The following ALLC variants were observed in gnomAD, a reference collection of about 807,000 sequenced individuals.
ALLC encodes the protein allantoicase, also known as probable inactive allantoicase.
Under a neutral mutation model 45.0 loss-of-function variants are expected in ALLC, and 40 were observed. The ratio of observed to expected loss-of-function variants is 0.89; its 90% CI spans 0.69 to 1.16. The LOEUF (loss-of-function observed/expected upper bound fraction) is 1.16, where lower values mean the gene tolerates loss of function less well. Among genes scored for constraint, ALLC ranks in the 50% most tolerant of loss-of-function variants. The probability of loss-of-function intolerance (pLI) is 0.00; values close to 1 mark genes in which losing one functional copy is unlikely to be tolerated. For synonymous variants in ALLC, 176 were observed against 178.1 expected, an observed-to-expected ratio of 0.99 and a Z score of 0.09; for missense variants, 488 against 493.1, an observed-to-expected ratio of 0.99 and a Z score of 0.10.
intron 3 of ALLC, among the ~76,000 whole-genome samples, chr2:3,676,473 C>G (rs761597476): frequency 1.8e-4 from 27 of 152,162 alleles, no homozygotes; most frequent in Non-Finnish European, 3.4e-4. Flanking sequence ...TCTCTAGCTC[C>G]TGGGCTCAAG....
At chr2:3,651,987 G>A in the ALLC span, among the ~76,000 whole-genome samples, 2 of 152,230 alleles carry the variant, frequency 1.3e-5, no homozygotes, top group Non-Finnish European at 2.9e-5. Flanking sequence ...ACCCGGCTCA[G>A]CTCAGCAGTT....
At chr2:3,667,580 A>G (rs1363442776) in intron 1 of ALLC, among the ~76,000 whole-genome samples, 1 of 152,202 alleles carries the variant, frequency 6.6e-6, no homozygotes, top group Non-Finnish European at 1.5e-5. Flanking sequence ...CACTTGTAGC[A>G]TGTGAATGAT....
chr2:3,674,442 T>C lies in ALLC; in HGVS notation c.84+317T>C, dbSNP rs1295522388. ...GAAAATGGATCTATGTCTTGAATTTTCTGGGAAATGTTTTACCTGCCTAAT... is the reference window on the plus strand; with the variant it reads ...GAAAATGGATCTATGTCTTGAATTTCCTGGGAAATGTTTTACCTGCCTAAT... On this transcript the variant is annotated intron_variant, in intron 3 of 11. Coordinates refer to ENST00000252505, the MANE Select transcript of ALLC (RefSeq NM_018436.4). 2.6e-5 allele frequency among the ~76,000 whole-genome samples: 4 copies of C among 152,208 alleles called. No homozygotes were observed. In the East Asian group the frequency reaches 5.8e-4, roughly 22 times the overall value.
intron 3 of ALLC, among the ~76,000 whole-genome samples, chr2:3,677,968 T>C (rs893335393): frequency 6.6e-6 from 1 of 152,168 alleles, no homozygotes; most frequent in African/African-American, 2.4e-5. Context: ...TGCTCAGCTG[T>C]CTAAGGAGGC....
intron 1 of ALLC, among the ~76,000 whole-genome samples, chr2:3,659,068 A>G (rs1175305768): frequency 1.3e-5 from 2 of 152,110 alleles, no homozygotes; most frequent in Admixed American, 6.5e-5. Context: ...CCCAAATTTG[A>G]ACAAACCACT....
chr2:3,680,058 A>G lies in ALLC; in HGVS notation c.298+64A>G. On this transcript the variant is annotated intron_variant, in intron 5 of 11. Transcript: ENST00000252505. This position sits in a 1 kb window ranked among gnomAD's most constrained non-coding sequence, Gnocchi z 4.0. The stretch of plus-strand genomic sequence containing the variant: ...GGTCACATGGCTCCTCTGGCCAGCC[A>G]CAGCCCCACAACTGCTCACTTTCCC... 1 of 1,603,012 alleles carries G rather than the reference A, an allele frequency of 6.2e-7. No homozygotes were observed. Among genetic ancestry groups the G allele is most frequent in the Non-Finnish European group, 8.5e-7 (1 of 1,172,060 alleles).
rs570267579 is a variant in ALLC, at chr2:3,671,089, C to T, written c.-62-7C>T. On this transcript the variant is annotated splice_region_variant and splice_polypyrimidine_tract_variant and intron_variant, in intron 1 of 11. Transcript: ENST00000252505. The stretch of plus-strand genomic sequence containing the variant: ...CAAGGTTGACCGAGCTGCCCTCTCC[C>T]TTCCAGGAAGCACGGCTGATGCTCC... The T allele has an allele frequency of 3.6e-5, 57 of 1,570,254 alleles. No individual in the cohort carries two copies. Among genetic ancestry groups the T allele is most frequent in the Non-Finnish European group, 4.9e-5 (56 of 1,154,132 alleles).
intron 1 of ALLC, among the ~76,000 whole-genome samples, chr2:3,668,987 C>A (rs945090809): frequency 6.6e-6 from 1 of 152,166 alleles, no homozygotes; most frequent in Non-Finnish European, 1.5e-5. Flanking sequence ...CACCAGCACA[C>A]GCCCATCTCG....
intron 1 of ALLC, among the ~76,000 whole-genome samples, chr2:3,663,472 G>A (rs944352799): frequency 6.6e-6 from 1 of 152,120 alleles, no homozygotes; most frequent in African/African-American, 2.4e-5. Context: ...AATGGGTGCT[G>A]GGCTTAATAC....
At chr2:3,665,306 GT>G (rs891968308) in intron 1 of ALLC, among the ~76,000 whole-genome samples, 1 of 151,192 alleles carries the variant, frequency 6.6e-6, no homozygotes, top group African/African-American at 2.4e-5. Context: ...GAGTTGAAGT[GT>G]TTTTTTTTAA....
intron 1 of ALLC, 102 bp from the exon 2 acceptor site, chr2:3,670,994 C>T: frequency 3.0e-6 from 2 of 674,062 alleles, no homozygotes; most frequent in Non-Finnish European, 5.1e-6. Context: ...TCTGTCACTG[C>T]CTGACTTTTG....
rs992698884 is a variant in ALLC at position 3,701,630 on chromosome 2, G to A, written c.969G>A (p.Val323=). 2 of 1,611,388 alleles carry A rather than the reference G, an allele frequency of 1.2e-6. No homozygotes were observed. The highest frequency in any genetic ancestry group is 2.7e-5 in the African/African-American group (2 of 74,886). The part of the protein sequence containing the change: ...PAHKWKPLLP[V]TKLSPNQSHL... Reference sequence around the variant, plus strand: ...ACAAGTGGAAACCACTGCTTCCAGTGACCAAGGTTCGTGTGGCATGTTATT... The same window carrying A: ...ACAAGTGGAAACCACTGCTTCCAGTAACCAAGGTTCGTGTGGCATGTTATT... The change falls in exon 11 of 12, where the codon GTG becomes GTA. Residue 323 remains valine (V), a synonymous_variant. Coordinates refer to ENST00000252505, the MANE Select transcript of ALLC (RefSeq NM_018436.4).
chr2:3,696,223 C>G, intron 8 of ALLC, 52 bp from the exon 9 acceptor site: 1 of 1,433,338 alleles, frequency 7.0e-7, no homozygotes, highest in Non-Finnish European at 9.7e-7. Context: ...ATGTATTCAT[C>G]CTCATAGTTA....
At chr2:3,671,251 A>G in intron 2 of ALLC, 61 bp downstream of exon 2, 1 of 1,558,374 alleles carries the variant, frequency 6.4e-7, no homozygotes, top group Non-Finnish European at 8.7e-7. Context: ...GGCACAACTC[A>G]CCAGTGCAGA....
intron 7 of ALLC, among the ~76,000 whole-genome samples, chr2:3,684,626 C>T (rs760487686): frequency 6.6e-6 from 1 of 152,130 alleles, no homozygotes; most frequent in Non-Finnish European, 1.5e-5. Context: ...GCTTAGCTCC[C>T]ACTTATAACT....
chr2:3,699,273 C>T (rs527920691), intron 10 of ALLC, among the ~76,000 whole-genome samples: 43 of 152,244 alleles, frequency 2.8e-4, no homozygotes, highest in Admixed American at 1.8e-3. Context: ...TCTGTTCCTG[C>T]GTTAGTTTGC....
At chr2:3,699,939 C>T (rs1474798442) in intron 10 of ALLC, among the ~76,000 whole-genome samples, 8 of 152,160 alleles carry the variant, frequency 5.3e-5, no homozygotes, top group East Asian at 1.9e-4. Context: ...TCTCCCATTC[C>T]GTAGGTTGTC....
At chr2:3,652,113 G>C in the ALLC span, among the ~76,000 whole-genome samples, 1 of 152,248 alleles carries the variant, frequency 6.6e-6, no homozygotes, top group African/African-American at 2.4e-5. Context: ...ATTCTGGGAG[G>C]CCCGGAGCCC....
chr2:3,678,055 C>T (rs917957377), intron 3 of ALLC, among the ~76,000 whole-genome samples: 3 of 152,170 alleles, frequency 2.0e-5, no homozygotes, highest in Admixed American at 1.3e-4. Context: ...GGACCCTGAG[C>T]GTCCAGCCTA....
Sources: allele counts gnomAD v4.1 joint callset (sites outside exome capture counted in the v4.1 genomes callset), GRCh38; gene constraint gnomAD v4.1.1; non-coding constraint Gnocchi (gnomAD v3.1); transcripts MANE v1.5; gene names NCBI Gene and HGNC (gene_info 2026-07-23, HGNC 2026-07-21).